ZUP1: variants seen among roughly 807,000 people sequenced by gnomAD.
The protein encoded by ZUP1 is zinc finger containing ubiquitin peptidase 1.
A neutral mutation model predicts 68.1 loss-of-function variants in ZUP1; 55 were observed. The observed-to-expected ratio is 0.81, with a 90% CI of 0.65 to 1.01. The LOEUF is 1.01. Ranked by LOEUF, ZUP1 falls within the 50% of genes least tolerant of loss-of-function variation. The pLI is 0.00. For synonymous variants in ZUP1, 223 were observed against 221.5 expected (o/e 1.01, Z -0.06); for missense variants, 684 against 674.9 (o/e 1.01, Z -0.15).
intron 1 of ZUP1, among the ~76,000 whole-genome samples, chr6:116,667,943 T>C (rs1368168295): frequency 1.3e-5 from 2 of 152,254 alleles, no homozygotes; most frequent in South Asian, 2.1e-4. Context: ...CAAAGACTAC[T>C]GTAAAATCCA....
intron 9 of ZUP1, among the ~76,000 whole-genome samples, chr6:116,636,731 A>G (rs1222797326): frequency 6.6e-6 from 1 of 152,232 alleles, no homozygotes; most frequent in Non-Finnish European, 1.5e-5. Context: ...ACAAATATGA[A>G]GAACAAAACA....
chr6:116,662,430 A>G (rs1393843470), intron 2 of ZUP1, among the ~76,000 whole-genome samples: 1 of 152,226 alleles, frequency 6.6e-6, no homozygotes, highest in Non-Finnish European at 1.5e-5. Flanking sequence ...GAGGTTAGCC[A>G]TCATCATCCA....
intron 2 of ZUP1, among the ~76,000 whole-genome samples, chr6:116,665,902 T>A (rs758794819): frequency 5.9e-5 from 9 of 151,852 alleles, no homozygotes; most frequent in Non-Finnish European, 1.2e-4. Flanking sequence ...CACAAATTCT[T>A]AAAGTTCAAC....
At chr6:116,664,852 C>T (rs1189410852) in intron 2 of ZUP1, among the ~76,000 whole-genome samples, 5 of 150,896 alleles carry the variant, frequency 3.3e-5, no homozygotes, top group Non-Finnish European at 7.4e-5. Flanking sequence ...CCCAAGTTCA[C>T]AAAATATACA....
chr6:116,651,922 G>A, intron 6 of ZUP1, 82 bp downstream of exon 6: 1 of 1,463,244 alleles, frequency 6.8e-7, no homozygotes, highest in Non-Finnish European at 9.3e-7. Context: ...AACTGTTAAA[G>A]CTATTAATTG....
chr6:116,660,766 A>G lies in ZUP1; in HGVS notation c.640T>C (p.Leu214=). Residue 214 remains leucine (L), a synonymous_variant, in exon 3 of 10, where the codon TTG becomes CTG. Transcript: ENST00000368576. ...NYHILQEHVD[L]HLEENSFQQG... is the part of the protein sequence containing the mutation. ...TGAAAGCTGTTTTCTTCCAAATGCAAGTCAACATGTTCCTGAAGAATATGG... is the reference window on the plus strand; with the variant it reads ...TGAAAGCTGTTTTCTTCCAAATGCAGGTCAACATGTTCCTGAAGAATATGG... 6.2e-7 allele frequency: 1 copy of G among 1,607,244 alleles called. No homozygotes were observed. Among genetic ancestry groups the G allele is most frequent in the Non-Finnish European group, 8.5e-7 (1 of 1,176,156 alleles).
intron 2 of ZUP1, among the ~76,000 whole-genome samples, chr6:116,665,622 G>C (rs540631098): frequency 6.8e-6 from 1 of 147,794 alleles, no homozygotes. Flanking sequence ...ACCCAGAGTG[G>C]AGTGCGGAGT....
At chr6:116,645,597 A>AAG (rs1415907093) in intron 9 of ZUP1, 117 bp downstream of exon 9, 1 of 809,522 alleles carries the variant, frequency 1.2e-6, no homozygotes, top group African/African-American at 1.8e-5. Flanking sequence ...AAAAAAAAAA[A>AAG]AAAAGAAAAA....
chr6:116,650,933 C>A (rs962107007), intron 7 of ZUP1, among the ~76,000 whole-genome samples: 2 of 151,580 alleles, frequency 1.3e-5, no homozygotes, highest in African/African-American at 4.8e-5. Context: ...CACACACACA[C>A]AAAACAGTGA....
chr6:116,646,601 G>GCCTCA (rs1776317363), intron 8 of ZUP1, among the ~76,000 whole-genome samples: 1 of 152,180 alleles, frequency 6.6e-6, no homozygotes, highest in African/African-American at 2.4e-5. Context: ...TTTTGACACA[G>GCCTCA]CCTCACTCCG....
At position 116,656,819 on chromosome 6, in the gene ZUP1, T is replaced by C. The variant is rs770916357; in HGVS notation, c.826A>G (p.Lys276Glu). The C allele has an allele frequency of 1.7e-5, 28 of 1,607,838 alleles. No homozygotes were observed. Among genetic ancestry groups the C allele is most frequent in the Non-Finnish European group, 2.4e-5 (28 of 1,176,294 alleles). The change falls in exon 5 of 10, where the codon AAA becomes GAA. Residue 276 changes from lysine to glutamate, a missense_variant. Lys to Glu is a moderately conservative substitution (Grantham distance 56). Coordinates refer to ENST00000368576, the MANE Select transcript of ZUP1 (RefSeq NM_145062.3). ...TCCATATTTCGTAGTTGTTGTTGTT[T>C]GTATCCTCCAGAATTATCTAAACCA... ...QYGLDNSGGY[K>E]QQQLRNMEIE...
Position 116,647,440 on chromosome 6 carries a change from G to T in ZUP1, c.1468+19C>A. The T allele has an allele frequency of 1.3e-6, 2 of 1,496,572 alleles. No individual in the cohort carries two copies. The highest frequency in any genetic ancestry group is 2.8e-5 in the African/African-American group (2 of 71,894). 92.7% of individuals were successfully genotyped at this position (1,496,572 alleles called of 1,614,324 possible). ...TCTTATAAACAACATTGTCAAATAT[G>T]AGTTATATTAATACTAACCTTGATG... On this transcript the variant is annotated intron_variant, in intron 8 of 9. Transcript: ENST00000368576.
intron 9 of ZUP1, among the ~76,000 whole-genome samples, chr6:116,643,187 A>G (rs1583362208): frequency 1.3e-5 from 2 of 152,346 alleles, no homozygotes; most frequent in South Asian, 4.1e-4. Flanking sequence ...GAAATAAAAG[A>G]GGATACAAAC....
intron 7 of ZUP1, among the ~76,000 whole-genome samples, chr6:116,649,607 C>T (rs913163164): frequency 1.3e-5 from 2 of 152,156 alleles, no homozygotes; most frequent in African/African-American, 4.8e-5. Context: ...CAAATCACAC[C>T]TTAACTCTCC....
intron 9 of ZUP1, among the ~76,000 whole-genome samples, chr6:116,637,959 G>C (rs1424688883): frequency 6.6e-6 from 1 of 151,184 alleles, no homozygotes; most frequent in East Asian, 2.0e-4. Flanking sequence ...CTACTTGGGA[G>C]ACTGAGGCAG....
In ZUP1 at chr6:116,643,718, A is replaced by C. The variant is rs959491755; in HGVS notation, c.1689+1996T>G. Reference sequence around the variant, plus strand: ...TGGATTAAAGACTTACATGTTAGACATAAAACCATAAAAACCCTAGAAGAA... The same window carrying C: ...TGGATTAAAGACTTACATGTTAGACCTAAAACCATAAAAACCCTAGAAGAA... On this transcript the variant is annotated intron_variant, in intron 9 of 9. Coordinates refer to ENST00000368576, the MANE Select transcript of ZUP1 (RefSeq NM_145062.3). Among the ~76,000 whole-genome samples, 105 of 152,284 alleles carry C rather than the reference A, an allele frequency of 6.9e-4. 1 individual carries two copies. The highest frequency in any genetic ancestry group is 2.4e-3 in the African/African-American group (98 of 41,582).
chr6:116,663,034 A>G (rs780349662), intron 2 of ZUP1, among the ~76,000 whole-genome samples: 6 of 152,132 alleles, frequency 3.9e-5, no homozygotes, highest in Non-Finnish European at 7.4e-5. Flanking sequence ...CTTCATTTCC[A>G]ACAATCTTTT....
At chr6:116,637,847 G>C (rs1216276583) in intron 9 of ZUP1, among the ~76,000 whole-genome samples, 1 of 152,226 alleles carries the variant, frequency 6.6e-6, no homozygotes, top group Admixed American at 6.5e-5. Context: ...TGGATCACCA[G>C]AAGTTGGGAG....
intron 2 of ZUP1, among the ~76,000 whole-genome samples, chr6:116,661,098 A>C (rs1776826547): frequency 6.7e-6 from 1 of 150,048 alleles, no homozygotes; most frequent in South Asian, 2.1e-4. Context: ...CTGGTCTCAA[A>C]CTCCTGGACT....
Sources: allele counts gnomAD v4.1 joint callset (sites outside exome capture counted in the v4.1 genomes callset), GRCh38; gene constraint gnomAD v4.1.1; transcripts MANE v1.5; gene names NCBI Gene and HGNC (gene_info 2026-07-23, HGNC 2026-07-21).